ZEB1: variants seen among roughly 807,000 people sequenced by gnomAD.
ZEB1 encodes the protein zinc finger E-box binding homeobox 1, also known as zinc finger E-box-binding homeobox 1.
ZEB1 carries 21 observed loss-of-function variants against 84.9 expected under a neutral mutation model. That is an observed-to-expected ratio of 0.25 (90% CI 0.18 to 0.36). The LOEUF (loss-of-function observed/expected upper bound fraction) is 0.36. ZEB1 is among the 10% of genes least tolerant of loss of function. The pLI is 1.00. For synonymous variants in ZEB1, 420 were observed against 471.1 expected (o/e 0.89, Z 1.41); for missense variants, 1,104 against 1,330.2 (o/e 0.83, Z 2.65).
chr10:31,360,806 A>G (rs980695717), intron 1 of ZEB1: 14 of 662,920 alleles, frequency 2.1e-5, no homozygotes, highest in Non-Finnish European at 3.2e-5. Context: ...GAAATCATAT[A>G]TACACTTAAA....
At chr10:31,440,311 G>A (rs966562156) in intron 1 of ZEB1, among the ~76,000 whole-genome samples, 4 of 152,148 alleles carry the variant, frequency 2.6e-5, no homozygotes, top group African/African-American at 9.7e-5. Flanking sequence ...AAAGCCACAT[G>A]ATTATCTCAA....
At chr10:31,338,857 G>A (rs2038784348) in intron 1 of ZEB1, among the ~76,000 whole-genome samples, 1 of 152,046 alleles carries the variant, frequency 6.6e-6, no homozygotes, top group African/African-American at 2.4e-5. Context: ...TAACAGTAGC[G>A]TGTATAAATT....
chr10:31,461,894 CTAAT>C (rs1386756243), intron 2 of ZEB1, among the ~76,000 whole-genome samples: 1 of 152,060 alleles, frequency 6.6e-6, no homozygotes, highest in Non-Finnish European at 1.5e-5. Context: ...TCCTAATAAA[CTAAT>C]TAAATTATTT....
intron 1 of ZEB1, among the ~76,000 whole-genome samples, chr10:31,394,414 T>C (rs974718350): frequency 3.9e-5 from 6 of 152,282 alleles, no homozygotes; most frequent in South Asian, 2.1e-4. Context: ...GCCTAATACA[T>C]ATAGAAGCAT....
chr10:31,421,412 A>T (rs1015369104), intron 1 of ZEB1, among the ~76,000 whole-genome samples: 1 of 152,162 alleles, frequency 6.6e-6, no homozygotes, highest in Non-Finnish European at 1.5e-5. Flanking sequence ...TTACAATTTA[A>T]GTGTAGCCTT....
intron 1 of ZEB1, among the ~76,000 whole-genome samples, chr10:31,449,183 C>A (rs564923180): frequency 6.6e-6 from 1 of 150,828 alleles, no homozygotes; most frequent in South Asian, 2.1e-4. Context: ...TTTCCAGGTG[C>A]GTCTGTCACC....
intron 8 of ZEB1, among the ~76,000 whole-genome samples, chr10:31,525,063 TG>T (rs2073165986): frequency 6.6e-6 from 1 of 152,246 alleles, no homozygotes; most frequent in Admixed American, 6.5e-5. Context: ...CATTTTTAAA[TG>T]ATTGGAAAAG....
intron 1 of ZEB1, among the ~76,000 whole-genome samples, chr10:31,390,787 T>G (rs2049504467): frequency 6.6e-6 from 1 of 152,216 alleles, no homozygotes; most frequent in African/African-American, 2.4e-5. Context: ...GCTCTGGTGT[T>G]GACCATTGGA....
At chr10:31,497,771 A>G in intron 3 of ZEB1, among the ~76,000 whole-genome samples, 1 of 152,156 alleles carries the variant, frequency 6.6e-6, no homozygotes, top group East Asian at 1.9e-4. Flanking sequence ...TATAGTCTGA[A>G]CTCAGTAATC....
At chr10:31,424,498 A>T (rs1414913570) in intron 1 of ZEB1, among the ~76,000 whole-genome samples, 4 of 151,970 alleles carry the variant, frequency 2.6e-5, no homozygotes, top group South Asian at 4.1e-4. Context: ...CTTATATTGA[A>T]TATTTGAGTA....
rs1166823202 is a variant in ZEB1, at chr10:31,363,129, A to C, written c.58+43837A>C. On this transcript the variant is annotated intron_variant, in intron 1 of 8. Transcript: ENST00000424869. ...TGGGTGGAGAAGACCTACTTGATCC[A>C]AGAGCTGCAGGATCCTTGGGCTGCA... The C allele has an allele frequency of 3.3e-6, 5 of 1,533,906 alleles. No individual in the cohort carries two copies. In the Admixed American group the frequency reaches 9.8e-5, roughly 30 times the overall value.
intron 1 of ZEB1, among the ~76,000 whole-genome samples, chr10:31,343,688 C>T (rs1445041558): frequency 2.6e-5 from 4 of 151,982 alleles, no homozygotes; most frequent in African/African-American, 7.2e-5. Context: ...GGAGATGATT[C>T]TGAAGGTGCC....
rs771670426 is a variant in ZEB1 at position 31,527,145 on chromosome 10, G to A, written c.3259G>A (p.Glu1087Lys). 5.6e-6 allele frequency: 9 copies of A among 1,608,966 alleles called. No individual in the cohort carries two copies. The Admixed American group carries it at 1.3e-4, about 24-fold the overall frequency. Residue 1087 changes from glutamate to lysine, a missense_variant, in exon 9 of 9, where the codon GAA becomes AAA. By Grantham distance (56) the Glu-to-Lys change is moderately conservative. This residue lies in a region of ZEB1 where 173 missense variants were observed against 167.0 expected (regional missense o/e 1.04). Coordinates refer to ENST00000424869, the MANE Select transcript of ZEB1 (RefSeq NM_001174096.2). Reference protein sequence around the residue: ...EVEEAENEGEEAKTEGLMKDD... With the variant: ...EVEEAENEGEKAKTEGLMKDD... Reference sequence around the variant, plus strand: ...AGAAGAGGCAGAGAATGAGGGAGAAGAAGCAAAAACTGAAGGTCTGATGAA... The same window carrying A: ...AGAAGAGGCAGAGAATGAGGGAGAAAAAGCAAAAACTGAAGGTCTGATGAA...
At chr10:31,338,335 C>A (rs1214534809) in intron 1 of ZEB1, among the ~76,000 whole-genome samples, 3 of 151,986 alleles carry the variant, frequency 2.0e-5, no homozygotes, top group Non-Finnish European at 4.4e-5. Flanking sequence ...TCATTGCAAC[C>A]CTATGAGAAA....
At chr10:31,344,815 G>A (rs2040014957) in intron 1 of ZEB1, among the ~76,000 whole-genome samples, 1 of 151,990 alleles carries the variant, frequency 6.6e-6, no homozygotes, top group African/African-American at 2.4e-5. Flanking sequence ...ACATATTAAG[G>A]TGGACTCCTG....
intron 2 of ZEB1, among the ~76,000 whole-genome samples, chr10:31,467,338 C>T (rs906790588): frequency 6.6e-6 from 1 of 152,192 alleles, no homozygotes; most frequent in African/African-American, 2.4e-5. Context: ...GCACCCACCC[C>T]CGAGTGCCCT....
In ZEB1 at chr10:31,502,380, A is replaced by T. The variant is rs747869571; in HGVS notation, c.355A>T (p.Asn119Tyr). 5.0e-6 allele frequency: 8 copies of T among 1,613,776 alleles called. No individual in the cohort carries two copies. Among genetic ancestry groups the T allele is most frequent in the Non-Finnish European group, 5.1e-6 (6 of 1,179,856 alleles). ...TGATGAATGCGAGTCAGATGCAGAAAATGAGCAAAACCATGATCCTAATGT... is the reference window on the plus strand; with the variant it reads ...TGATGAATGCGAGTCAGATGCAGAATATGAGCAAAACCATGATCCTAATGT... ...KDDECESDAE[N>Y]EQNHDPNVEE... Residue 119 changes from asparagine to tyrosine, a missense_variant, in exon 4 of 9, where the codon AAT becomes TAT. This residue lies in a region of ZEB1 where 162 missense variants were observed against 184.5 expected (regional missense o/e 0.88). Coordinates refer to ENST00000424869, the MANE Select transcript of ZEB1 (RefSeq NM_001174096.2).
At chr10:31,474,243 C>G (rs2138110741) in intron 2 of ZEB1, among the ~76,000 whole-genome samples, 1 of 151,692 alleles carries the variant, frequency 6.6e-6, no homozygotes, top group South Asian at 2.1e-4. Flanking sequence ...TTCTGTACAG[C>G]AAAGGAAACT....
At chr10:31,501,727 A>T (rs1303356820) in intron 3 of ZEB1, among the ~76,000 whole-genome samples, 2 of 152,158 alleles carry the variant, frequency 1.3e-5, no homozygotes, top group Non-Finnish European at 2.9e-5. Context: ...CATACATATG[A>T]TAAAGTTTAA....
Sources: allele counts gnomAD v4.1 joint callset (sites outside exome capture counted in the v4.1 genomes callset), GRCh38; gene constraint gnomAD v4.1.1; regional missense constraint gnomAD v4.1.1; transcripts MANE v1.5; gene names NCBI Gene and HGNC (gene_info 2026-07-23, HGNC 2026-07-21).